The following CATSPERE variants were observed in gnomAD, a reference collection of about 807,000 sequenced individuals.
The protein encoded by CATSPERE is catsper channel auxiliary subunit epsilon, also known as cation channel sperm-associated auxiliary subunit epsilon.
Under a neutral mutation model 114.1 loss-of-function variants are expected in CATSPERE, and 93 were observed. That is an observed-to-expected ratio of 0.81 (90% CI 0.69 to 0.97). CATSPERE has a LOEUF of 0.97. Among genes scored for constraint, CATSPERE ranks in the 50% least tolerant of loss-of-function variants. The pLI is 0.00. For synonymous variants in CATSPERE, 341 were observed against 384.1 expected (o/e 0.89, Z 1.31); for missense variants, 1,058 against 1,131.6 (o/e 0.93, Z 0.93).
chr1:244,552,562 C>T lies in CATSPERE; in HGVS notation c.777C>T (p.Thr259=). ...CTGTTTTGGTGACAGATATGGAGAC[C>T]TTTCACACAACTGATTCATTCAAAT... ...ASAVLVTDME[T]FHTTDSFKSW... is the part of the protein sequence containing the mutation. The change falls in exon 9 of 22, where the codon ACC becomes ACT. Residue 259 remains threonine (T), a synonymous_variant. Coordinates refer to ENST00000366534, the MANE Select transcript of CATSPERE (RefSeq NM_001130957.2). 1.2e-6 allele frequency: 2 copies of T among 1,614,160 alleles called. No individual in the cohort carries two copies. Among genetic ancestry groups the T allele is most frequent in the Non-Finnish European group, 1.7e-6 (2 of 1,180,030 alleles).
intron 10 of CATSPERE, among the ~76,000 whole-genome samples, chr1:244,571,700 T>C (rs1318420430): frequency 1.3e-5 from 2 of 152,180 alleles, no homozygotes; most frequent in Non-Finnish European, 2.9e-5. Flanking sequence ...GATTTTCTCA[T>C]ATTTCTAGAG....
intron 4 of CATSPERE, 103 bp downstream of exon 4, chr1:244,478,078 C>A: frequency 1.2e-6 from 1 of 867,918 alleles, no homozygotes; most frequent in Non-Finnish European, 1.8e-6. Flanking sequence ...CTAATTTAAC[C>A]TGTTTTAAAT....
intron 6 of CATSPERE, among the ~76,000 whole-genome samples, chr1:244,496,438 G>A (rs1038256012): frequency 1.3e-5 from 2 of 152,202 alleles, no homozygotes; most frequent in Non-Finnish European, 1.5e-5. Context: ...TGGCTGGGAT[G>A]AGGTGAAACC....
chr1:244,502,062 T>TA, intron 7 of CATSPERE, among the ~76,000 whole-genome samples: 1 of 152,198 alleles, frequency 6.6e-6, no homozygotes, highest in East Asian at 1.9e-4. Flanking sequence ...GCCTTCAAGA[T>TA]ATCTGCCATA....
chr1:244,475,738 T>C (rs1322768263), intron 2 of CATSPERE, among the ~76,000 whole-genome samples: 1 of 151,820 alleles, frequency 6.6e-6, no homozygotes, highest in Non-Finnish European at 1.5e-5. Flanking sequence ...GGTTTCACCA[T>C]GTTGGCCAGG....
chr1:244,451,547 G>A (rs1330021055), upstream of CATSPERE: 4 of 1,407,724 alleles, frequency 2.8e-6, no homozygotes, highest in Admixed American at 4.8e-5. This position sits in a 1 kb window ranked among gnomAD's most constrained non-coding sequence, Gnocchi z 6.6. Context: ...CAGTGGATCC[G>A]GGTTCTGGGT....
intron 13 of CATSPERE, among the ~76,000 whole-genome samples, chr1:244,587,587 T>G (rs1667181299): frequency 6.6e-6 from 1 of 152,266 alleles, no homozygotes; most frequent in Admixed American, 6.5e-5. Flanking sequence ...AGCACGTATG[T>G]GCATTTCTTT....
intron 7 of CATSPERE, among the ~76,000 whole-genome samples, chr1:244,508,160 A>G (rs1450809206): frequency 1.3e-5 from 2 of 151,256 alleles, no homozygotes; most frequent in Non-Finnish European, 3.0e-5. Context: ...AGTGTTTTAT[A>G]CTTTTCTTTG....
At position 244,585,450 on chromosome 1, in the gene CATSPERE, C is replaced by T. The variant is rs568749817; in HGVS notation, c.2085+1511C>T. Among the ~76,000 whole-genome samples, 11 of 152,314 alleles carry T rather than the reference C, an allele frequency of 7.2e-5. 1 individual carries two copies. Among genetic ancestry groups the T allele is most frequent in the East Asian group, 5.8e-4 (3 of 5,188 alleles). ...CACTGAAATAGAATGAGGAAAGATGCGGTAGCCCTTTCAGGCAACAGGAAA... is the reference window on the plus strand; with the variant it reads ...CACTGAAATAGAATGAGGAAAGATGTGGTAGCCCTTTCAGGCAACAGGAAA... On this transcript the variant is annotated intron_variant, in intron 13 of 21. Coordinates refer to ENST00000366534, the MANE Select transcript of CATSPERE (RefSeq NM_001130957.2).
At chr1:244,533,591 A>T (rs1055123064) in intron 8 of CATSPERE, among the ~76,000 whole-genome samples, 7 of 152,130 alleles carry the variant, frequency 4.6e-5, no homozygotes, top group African/African-American at 1.7e-4. Context: ...TTTTAAACTG[A>T]TGACAACACT....
intron 20 of CATSPERE, among the ~76,000 whole-genome samples, 171 bp from the exon 21 acceptor site, chr1:244,635,318 T>C (rs1194669102): frequency 6.6e-6 from 1 of 152,224 alleles, no homozygotes; most frequent in Non-Finnish European, 1.5e-5. Context: ...GCTGTACATA[T>C]GGAAAAATAA....
intron 10 of CATSPERE, among the ~76,000 whole-genome samples, chr1:244,567,189 C>T (rs1241415521): frequency 6.6e-6 from 1 of 152,204 alleles, no homozygotes; most frequent in African/African-American, 2.4e-5. Flanking sequence ...TCTCTTCTGG[C>T]TTGTAGGGTT....
chr1:244,553,088 A>G (rs1660909232), intron 9 of CATSPERE, among the ~76,000 whole-genome samples: 1 of 152,198 alleles, frequency 6.6e-6, no homozygotes, highest in South Asian at 2.1e-4. Context: ...AAAGACCCAA[A>G]AATTATTTTC....
At chr1:244,621,115 T>TATATATATAAATATATATAA (rs1672150210) in intron 20 of CATSPERE, among the ~76,000 whole-genome samples, 2 of 61,420 alleles carry the variant, frequency 3.3e-5, no homozygotes, top group African/African-American at 7.5e-5. Flanking sequence ...AATATATATA[T>TATATATATAAATATATATAA]AATATATATA....
At chr1:244,566,634 CT>C (rs1663550752) in intron 10 of CATSPERE, among the ~76,000 whole-genome samples, 1 of 103,584 alleles carries the variant, frequency 9.7e-6, no homozygotes, top group Non-Finnish European at 2.1e-5. Context: ...TTATCAGAGA[CT>C]AGGATTGCAA....
intron 5 of CATSPERE, among the ~76,000 whole-genome samples, chr1:244,486,100 G>T (rs1265628091): frequency 2.0e-5 from 3 of 152,188 alleles, no homozygotes; most frequent in African/African-American, 7.2e-5. Context: ...GAGGCCTGGT[G>T]TAAAATGAAA....
At chr1:244,478,564 T>A (rs1398123089) in intron 4 of CATSPERE, among the ~76,000 whole-genome samples, 1 of 152,236 alleles carries the variant, frequency 6.6e-6, no homozygotes, top group Non-Finnish European at 1.5e-5. Flanking sequence ...TCACCAATCC[T>A]GCCTTTACTT....
intron 6 of CATSPERE, among the ~76,000 whole-genome samples, chr1:244,492,551 C>T (rs1672389085): frequency 6.7e-6 from 1 of 149,030 alleles, no homozygotes; most frequent in Admixed American, 6.7e-5. Context: ...GGGATGCCCT[C>T]TCTCACCACT....
At chr1:244,560,320 GA>G (rs1245684044) in intron 9 of CATSPERE, among the ~76,000 whole-genome samples, 1 of 148,130 alleles carries the variant, frequency 6.8e-6, no homozygotes, top group Non-Finnish European at 1.5e-5. Flanking sequence ...CAAATTAGAA[GA>G]TGGAAGTTGT....
Sources: gnomAD v4.1 joint callset for allele counts (sites outside exome capture counted in the v4.1 genomes callset) on GRCh38, gnomAD v4.1.1 for gene constraint, Gnocchi (gnomAD v3.1) non-coding constraint, MANE v1.5 for transcripts, NCBI Gene and HGNC (gene_info 2026-07-23, HGNC 2026-07-21) for gene names.